CPED1: variants seen among roughly 807,000 people sequenced by gnomAD.
The protein encoded by CPED1 is cadherin like and PC-esterase domain containing 1.
Under a neutral mutation model 128.2 loss-of-function variants are expected in CPED1, and 114 were observed. The observed-to-expected ratio is 0.89, with a 90% CI of 0.76 to 1.04. CPED1 has a LOEUF of 1.04. CPED1 is among the 50% of genes least tolerant of loss of function. The pLI, the probability that CPED1 is intolerant of heterozygous loss-of-function variation, is 0.00. For synonymous variants in CPED1, 462 were observed against 426.7 expected, an observed-to-expected ratio of 1.08 and a Z score of -1.02; for missense variants, 1,211 against 1,207.1, an observed-to-expected ratio of 1.00 and a Z score of -0.05.
At chr7:121,248,288 G>A (rs1331845058) in intron 18 of CPED1, among the ~76,000 whole-genome samples, 1 of 152,174 alleles carries the variant, frequency 6.6e-6, no homozygotes, top group Non-Finnish European at 1.5e-5. Flanking sequence ...AAAGAATGTG[G>A]CCTATCTCCT....
At chr7:121,008,853 T>C (rs1449446138) in intron 2 of CPED1, among the ~76,000 whole-genome samples, 1 of 152,192 alleles carries the variant, frequency 6.6e-6, no homozygotes, top group Non-Finnish European at 1.5e-5. Flanking sequence ...TAGAAAATGC[T>C]CAAAAATGTT....
chr7:121,293,238 G>A (rs1286939769), intron 22 of CPED1, among the ~76,000 whole-genome samples: 1 of 152,184 alleles, frequency 6.6e-6, no homozygotes, highest in East Asian at 1.9e-4. Context: ...GGAATCTAGA[G>A]AAGCAGACTG....
intron 16 of CPED1, among the ~76,000 whole-genome samples, chr7:121,143,938 A>G (rs1470346616): frequency 6.6e-6 from 1 of 152,046 alleles, no homozygotes. Flanking sequence ...ATCCAATATT[A>G]TACTATTGGG....
chr7:121,037,864 G>C (rs372845533), intron 3 of CPED1, among the ~76,000 whole-genome samples: 1 of 152,070 alleles, frequency 6.6e-6, no homozygotes, highest in East Asian at 1.9e-4. Context: ...CCTTGATTAG[G>C]TATATCCCTG....
At position 121,295,736 on chromosome 7, in the gene CPED1, C is replaced by T; in HGVS notation, c.*84C>T. ...TCTAGGAGCCAAGCGCTGCACATCGCACACATTTGGGATCGACCACACACA... is the reference window on the plus strand; with the variant it reads ...TCTAGGAGCCAAGCGCTGCACATCGTACACATTTGGGATCGACCACACACA... On this transcript the variant is annotated 3_prime_UTR_variant, in exon 23 of 23. Coordinates refer to ENST00000310396, the MANE Select transcript of CPED1 (RefSeq NM_024913.5). The T allele has an allele frequency of 8.6e-7, 1 of 1,160,474 alleles. No homozygotes were observed. Among genetic ancestry groups the T allele is most frequent in the Non-Finnish European group, 1.3e-6 (1 of 784,518 alleles). 71.9% of individuals were successfully genotyped at this position (1,160,474 alleles called of 1,614,324 possible).
At chr7:121,127,389 T>G in intron 10 of CPED1, 132 bp downstream of exon 10, 1 of 528,150 alleles carries the variant, frequency 1.9e-6, no homozygotes, top group Non-Finnish European at 3.2e-6. Context: ...ATCACACTTC[T>G]TAATTTTTTC....
Position 121,244,463 on chromosome 7 carries a change from A to G in CPED1, c.2310+125A>G, listed in dbSNP as rs1562847747. The G allele has an allele frequency of 4.2e-6, 4 of 951,994 alleles. 1 individual carries two copies. In the South Asian group the frequency reaches 4.9e-5, roughly 12 times the overall value. The allele number at this position is 951,994 out of a possible 1,614,324, so 59.0% of individuals were successfully genotyped here. A position where few individuals can be genotyped will look rare whatever the true frequency, so the allele number is the denominator to read the frequency against. ...AGCAGAGGAAAACTAACTGAATGCA[A>G]TATGGCTTTTTGAATCATGTATAGA... On this transcript the variant is annotated intron_variant, in intron 18 of 22. Transcript: ENST00000310396.
At chr7:121,079,726 C>T (rs1563017654) in intron 5 of CPED1, among the ~76,000 whole-genome samples, 1 of 152,250 alleles carries the variant, frequency 6.6e-6, no homozygotes, top group Non-Finnish European at 1.5e-5. Context: ...AATAACCCCT[C>T]TGCTCTTTGG....
chr7:121,094,757 A>C (rs922792923), intron 5 of CPED1, among the ~76,000 whole-genome samples: 3 of 152,170 alleles, frequency 2.0e-5, no homozygotes, highest in African/African-American at 7.2e-5. Flanking sequence ...TCATTTTCAT[A>C]ATGCTTTTTC....
intron 7 of CPED1, among the ~76,000 whole-genome samples, chr7:121,117,077 T>TA (rs1554436996): frequency 1.6e-5 from 2 of 128,798 alleles, no homozygotes; most frequent in African/African-American, 6.0e-5. Context: ...TATATACACA[T>TA]TATATATATA....
intron 16 of CPED1, among the ~76,000 whole-genome samples, chr7:121,216,917 C>CT (rs1181002467): frequency 1.3e-5 from 2 of 151,744 alleles, no homozygotes; most frequent in South Asian, 4.2e-4. Flanking sequence ...AACTGTTACA[C>CT]TTTTTTTTGG....
intron 5 of CPED1, among the ~76,000 whole-genome samples, chr7:121,086,814 C>T (rs1020885095): frequency 3.3e-5 from 5 of 152,212 alleles, no homozygotes; most frequent in Non-Finnish European, 7.3e-5. Context: ...CCACTTTTCA[C>T]TCCAGATCCA....
rs139565368 is a variant in CPED1 at position 121,155,952 on chromosome 7, TA to T, written c.2055+13813del. Among the ~76,000 whole-genome samples the T allele has an allele frequency of 4.1e-3, 617 of 152,258 alleles. 1 individual carries two copies. The highest frequency in any genetic ancestry group is 0.014 in the African/African-American group (589 of 41,552). On this transcript the variant is annotated intron_variant, in intron 16 of 22. Coordinates refer to ENST00000310396, the MANE Select transcript of CPED1 (RefSeq NM_024913.5). ...AGAAACGCCTTGCAAAGTGTCCATA[TA>T]ACAAGGATTCAATAACTAAAATATG...
intron 16 of CPED1, among the ~76,000 whole-genome samples, chr7:121,230,901 C>A (rs6978080): frequency 0.45 from 69,012 of 151,748 alleles, 16,334 homozygotes; most frequent in Middle Eastern, 0.56. Context: ...TTGACTCAAC[C>A]TATGATATCT....
intron 4 of CPED1, among the ~76,000 whole-genome samples, chr7:121,049,000 T>G (rs1267059562): frequency 1.3e-5 from 2 of 152,132 alleles, no homozygotes; most frequent in African/African-American, 4.8e-5. Context: ...CTCACAGTTT[T>G]GAGATGAAAA....
In CPED1 at chr7:121,150,087, C is replaced by G. The variant is rs191051227; in HGVS notation, c.2055+7946C>G. Among the ~76,000 whole-genome samples, 801 of 152,024 alleles carry G rather than the reference C, an allele frequency of 5.3e-3. 3 individuals carry two copies. The highest frequency in any genetic ancestry group is 9.9e-3 in the Admixed American group (151 of 15,272). On this transcript the variant is annotated intron_variant, in intron 16 of 22. Transcript: ENST00000310396. ...CTTTTAATTTAGATTCAGGGGGTAC[C>G]TGTGCAGGTTTGTTGCATGAGTATG...
chr7:121,107,219 T>C (rs984891207), intron 7 of CPED1, among the ~76,000 whole-genome samples: 1 of 152,132 alleles, frequency 6.6e-6, no homozygotes, highest in African/African-American at 2.4e-5. Context: ...TAGAGAGTTA[T>C]TGAATTTAAT....
At chr7:121,108,430 A>G (rs998356030) in intron 7 of CPED1, among the ~76,000 whole-genome samples, 1 of 152,096 alleles carries the variant, frequency 6.6e-6, no homozygotes, top group African/African-American at 2.4e-5. Context: ...AGTGCTATTA[A>G]AGAATGATAT....
chr7:121,272,517 C>CCAA (rs1172755730), intron 22 of CPED1, among the ~76,000 whole-genome samples: 4 of 152,100 alleles, frequency 2.6e-5, no homozygotes, highest in African/African-American at 9.6e-5. Context: ...TCCTTGGTAT[C>CCAA]CAACTGTCTA....
Sources: gnomAD v4.1 joint callset for allele counts (sites outside exome capture counted in the v4.1 genomes callset) on GRCh38, gnomAD v4.1.1 for gene constraint, MANE v1.5 for transcripts, NCBI Gene and HGNC (gene_info 2026-07-23, HGNC 2026-07-21) for gene names.